BCL7A: variants seen among roughly 807,000 people sequenced by gnomAD.
BCL7A encodes BAF chromatin remodeling complex subunit BCL7A.
Under a neutral mutation model 28.4 loss-of-function variants are expected in BCL7A, and 11 were observed. That is an observed-to-expected ratio of 0.39 (90% CI 0.24 to 0.64). BCL7A has a LOEUF of 0.64. Among genes scored for constraint, BCL7A ranks in the 30% least tolerant of loss-of-function variants. The pLI is 0.50. For synonymous variants in BCL7A, 123 were observed against 103.3 expected, an observed-to-expected ratio of 1.19 and a Z score of -1.15; for missense variants, 222 against 274.8, an observed-to-expected ratio of 0.81 and a Z score of 1.36.
rs536247546 is a variant in BCL7A, at chr12:122,043,815, G to A, written c.272-71G>A. ...CCGGGCATTGAGGCACAGGGATGCT[G>A]AGCCCTCTGACCTACCCGTCCTTGG... On this transcript the variant is annotated intron_variant, in intron 3 of 5. Coordinates refer to ENST00000261822, the MANE Select transcript of BCL7A (RefSeq NM_001024808.3). The A allele has an allele frequency of 4.1e-6, 6 of 1,477,658 alleles. No homozygotes were observed. In the East Asian group the frequency reaches 7.3e-5, roughly 18 times the overall value. 91.5% of individuals were successfully genotyped at this position (1,477,658 alleles called of 1,614,324 possible). A position where few individuals can be genotyped will look rare whatever the true frequency, so the allele number is the denominator to read the frequency against.
chr12:122,023,562 T>A (rs1883528092), intron 1 of BCL7A, among the ~76,000 whole-genome samples: 1 of 152,334 alleles, frequency 6.6e-6, no homozygotes, highest in Non-Finnish European at 1.5e-5. Context: ...TGGAAAGGGC[T>A]GGCTGCGATG....
Position 122,059,278 on chromosome 12 carries a change from A to C in BCL7A, c.*115A>C, listed in dbSNP as rs1951900735. Reference sequence around the variant, plus strand: ...GTGCGAACAGAACTACTAACGTTTCAAGTTTACCAAGTGCAAATCCAAGAA... The same window carrying C: ...GTGCGAACAGAACTACTAACGTTTCCAGTTTACCAAGTGCAAATCCAAGAA... On this transcript the variant is annotated 3_prime_UTR_variant, in exon 6 of 6. Coordinates refer to ENST00000261822, the MANE Select transcript of BCL7A (RefSeq NM_001024808.3). This position sits in a 1 kb window ranked among gnomAD's most constrained non-coding sequence, Gnocchi z 4.0. 1.1e-6 allele frequency: 1 copy of C among 937,966 alleles called. No homozygotes were observed. 58.1% of individuals were successfully genotyped at this position (937,966 alleles called of 1,614,324 possible).
At chr12:122,054,762 C>G (rs1022605352) in intron 4 of BCL7A, 43 bp from the exon 5 acceptor site, 12 of 1,595,826 alleles carry the variant, frequency 7.5e-6, no homozygotes, top group Non-Finnish European at 1.0e-5. Context: ...CCCCGCCTCT[C>G]ACGTGTCTGA....
chr12:122,054,512 C>G (rs1009116045), intron 4 of BCL7A, among the ~76,000 whole-genome samples: 8 of 152,224 alleles, frequency 5.3e-5, no homozygotes, highest in African/African-American at 1.9e-4. Flanking sequence ...GTGCTGGGTG[C>G]ACGCAGCACA....
intron 1 of BCL7A, among the ~76,000 whole-genome samples, chr12:122,022,755 T>C (rs1883496050): frequency 6.6e-6 from 1 of 150,712 alleles, no homozygotes; most frequent in South Asian, 2.1e-4. Flanking sequence ...TCTGCGGAGT[T>C]TGCAGAGCGC....
intron 1 of BCL7A, among the ~76,000 whole-genome samples, chr12:122,027,425 A>T (rs1346422545): frequency 4.6e-5 from 7 of 152,198 alleles, no homozygotes. Flanking sequence ...CTGTAATCCC[A>T]GCATTTTGGG....
chr12:122,044,977 C>T (rs961966775), intron 4 of BCL7A, among the ~76,000 whole-genome samples: 5 of 151,874 alleles, frequency 3.3e-5, no homozygotes, highest in Admixed American at 1.3e-4. Flanking sequence ...ATGGGGTGGT[C>T]GGGGCGGCCT....
At position 122,022,152 on chromosome 12, in the gene BCL7A, G is replaced by T; in HGVS notation, c.61G>T (p.Val21Phe). The stretch of plus-strand genomic sequence containing the variant: ...CCGGGCCAAAGATGATATCAAGAGG[G>T]TCATGGCGGCGATCGAGAAAGTGCG... ...RSRAKDDIKR[V>F]MAAIEKVRKW... Residue 21 changes from valine (V) to phenylalanine (F), a missense_variant, in exon 1 of 6, where the codon GTC becomes TTC. This residue lies in a region of BCL7A where 67 missense variants were observed against 129.1 expected (regional missense o/e 0.52). Transcript: ENST00000261822. The T allele has an allele frequency of 6.4e-7, 1 of 1,574,026 alleles. No individual in the cohort carries two copies. Among genetic ancestry groups the T allele is most frequent in the Non-Finnish European group, 8.6e-7 (1 of 1,159,470 alleles).
chr12:122,035,389 C>G lies in BCL7A; in HGVS notation c.233C>G (p.Pro78Arg). 1 of 1,614,144 alleles carries G rather than the reference C, an allele frequency of 6.2e-7. No homozygotes were observed. The highest frequency in any genetic ancestry group is 1.1e-5 in the South Asian group (1 of 91,078). Residue 78 changes from proline to arginine, a missense_variant, in exon 3 of 6, where the codon CCG becomes CGG. Pro to Arg is a moderately radical substitution (Grantham distance 103, BLOSUM62 -2). Transcript: ENST00000261822. ...AAGTGTGGCTCAGAGGTGACCACTC[C>G]GGAGAACAGTTCCTCCCCAGGGATG... The part of the protein sequence containing the change: ...DEKCGSEVTT[P>R]ENSSSPGMMD...
At position 122,021,953 on chromosome 12, in the gene BCL7A, T is replaced by TGG. The variant is rs1345247491; in HGVS notation, c.-138_-137insGG. ...GTATGTGTGTGTGTGTGTGTGTGTGTGTGTGAGTGTGTGCGTGTGAGAGTG... is the reference window on the plus strand; with the variant it reads ...GTATGTGTGTGTGTGTGTGTGTGTGTGGGTGTGAGTGTGTGCGTGTGAGAGTG... On this transcript the variant is annotated 5_prime_UTR_variant, in exon 1 of 6. An upstream open reading frame in the 5' UTR loses its in-frame stop. Coordinates refer to ENST00000261822, the MANE Select transcript of BCL7A (RefSeq NM_001024808.3). 5.0e-6 allele frequency: 3 copies of TGG among 596,210 alleles called. No individual in the cohort carries two copies. The African/African-American group carries it at 5.8e-5, about 12-fold the overall frequency. The allele number at this position is 596,210 out of a possible 1,614,324, so 36.9% of individuals were successfully genotyped here. A position where few individuals can be genotyped will look rare whatever the true frequency, so the allele number is the denominator to read the frequency against.
rs550964000 is a variant in BCL7A, at chr12:122,051,346, T to G, written c.440-3459T>G. Among the ~76,000 whole-genome samples the G allele has an allele frequency of 5.1e-3, 774 of 152,326 alleles. 18 individuals carry two copies. In the South Asian group the frequency reaches 0.058, roughly 11 times the overall value. ...GGCCTTCCCAGGTGGGTGCGTGCTG[T>G]CTGCCGGGATGGGGCAGGTCGGCCA... On this transcript the variant is annotated intron_variant, in intron 4 of 5. Coordinates refer to ENST00000261822, the MANE Select transcript of BCL7A (RefSeq NM_001024808.3).
intron 4 of BCL7A, among the ~76,000 whole-genome samples, chr12:122,047,768 C>G (rs1160056031): frequency 1.3e-5 from 2 of 152,064 alleles, no homozygotes. Flanking sequence ...TCCAGTGATC[C>G]TCCCACTTTG....
chr12:122,050,172 G>A (rs1366840329), intron 4 of BCL7A, among the ~76,000 whole-genome samples: 1 of 152,068 alleles, frequency 6.6e-6, no homozygotes, highest in Non-Finnish European at 1.5e-5. Flanking sequence ...GCAGAGACAG[G>A]GTTTCACCAT....
At chr12:122,047,511 G>A (rs1593033108) in intron 4 of BCL7A, among the ~76,000 whole-genome samples, 1 of 151,544 alleles carries the variant, frequency 6.6e-6, no homozygotes, top group African/African-American at 2.4e-5. Context: ...GCGACAGAGC[G>A]AGAATCCGTC....
chr12:122,024,432 C>G (rs2135836201), intron 1 of BCL7A, among the ~76,000 whole-genome samples: 1 of 146,902 alleles, frequency 6.8e-6, no homozygotes, highest in South Asian at 2.2e-4. Flanking sequence ...GTAAGGTGGA[C>G]TTTGTAGAAA....
intron 4 of BCL7A, among the ~76,000 whole-genome samples, chr12:122,052,660 T>C (rs771805947): frequency 5.3e-5 from 8 of 152,056 alleles, no homozygotes; most frequent in Non-Finnish European, 1.5e-5. Context: ...TTCTTTCTTT[T>C]TGTTTTTTTA....
At position 122,030,745 on chromosome 12, in the gene BCL7A, C is replaced by T. The variant is rs367654151; in HGVS notation, c.138C>T (p.Tyr46=). The T allele has an allele frequency of 1.1e-5, 17 of 1,614,106 alleles. No individual in the cohort carries two copies. The highest frequency in any genetic ancestry group is 1.4e-5 in the Non-Finnish European group (17 of 1,179,982). ...VTVGDTSLRI[Y]KWVPVTEPKV... The stretch of plus-strand genomic sequence containing the variant: ...TTGGTGACACATCCCTACGAATCTA[C>T]AAATGGGTCCCTGTGACGGAGCCCA... Residue 46 remains tyrosine (Y), a synonymous_variant, in exon 2 of 6, where the codon TAC becomes TAT. Coordinates refer to ENST00000261822, the MANE Select transcript of BCL7A (RefSeq NM_001024808.3).
chr12:122,023,864 C>G (rs1883541952), intron 1 of BCL7A, among the ~76,000 whole-genome samples: 1 of 152,332 alleles, frequency 6.6e-6, no homozygotes, highest in African/African-American at 2.4e-5. Flanking sequence ...AAAGAAAGAA[C>G]TGGTGTCTGT....
chr12:122,023,747 C>G (rs576953570), intron 1 of BCL7A, among the ~76,000 whole-genome samples: 1 of 152,198 alleles, frequency 6.6e-6, no homozygotes, highest in African/African-American at 2.4e-5. Flanking sequence ...GCAGAAACAG[C>G]TGCAGGCCAA....
Sources: allele counts gnomAD v4.1 joint callset (sites outside exome capture counted in the v4.1 genomes callset), GRCh38; gene constraint gnomAD v4.1.1; regional missense constraint gnomAD v4.1.1; non-coding constraint Gnocchi (gnomAD v3.1); transcripts MANE v1.5; gene names NCBI Gene and HGNC (gene_info 2026-07-23, HGNC 2026-07-21).